Variants in R3HDM2 observed in about 807,000 individuals in gnomAD.
The protein encoded by R3HDM2 is R3H domain-containing protein 2.
Under a neutral mutation model 124.5 loss-of-function variants are expected in R3HDM2, and 38 were observed. The ratio of observed to expected loss-of-function variants is 0.31; its 90% CI spans 0.24 to 0.40. The LOEUF (loss-of-function observed/expected upper bound fraction) is 0.40. R3HDM2 is among the 10% of genes least tolerant of loss of function. R3HDM2 has a pLI of 1.00. For missense variants in R3HDM2, 869 were observed against 1,236.9 expected, an observed-to-expected ratio of 0.70 and a Z score of 4.46; for synonymous variants, 391 against 448.0, an observed-to-expected ratio of 0.87 and a Z score of 1.61.
intron 1 of R3HDM2, among the ~76,000 whole-genome samples, chr12:57,407,611 T>C (rs973030867): frequency 6.6e-6 from 1 of 151,976 alleles, no homozygotes; most frequent in African/African-American, 2.4e-5. Context: ...TTCACCGTCT[T>C]GGCCAGGCTG....
intron 3 of R3HDM2, among the ~76,000 whole-genome samples, chr12:57,307,485 T>A (rs1392380170): frequency 6.6e-6 from 1 of 151,620 alleles, no homozygotes; most frequent in Non-Finnish European, 1.5e-5. Context: ...CAGGCCCAGC[T>A]AATTTTTGTA....
chr12:57,312,099 A>G lies in R3HDM2; in HGVS notation c.-35-1636T>C, dbSNP rs145605979. Among the ~76,000 whole-genome samples, 10 of 152,352 alleles carry G rather than the reference A, an allele frequency of 6.6e-5. No individual in the cohort carries two copies. The East Asian group carries it at 1.9e-3, about 29-fold the overall frequency. ...TACTGGAAACTCTCCCAGATGTCAC[A>G]TCTATTCCCAGTGTAGCCCTAGAAA... On this transcript the variant is annotated intron_variant, in intron 2 of 23. Coordinates refer to ENST00000402412, the MANE Select transcript of R3HDM2 (RefSeq NM_001394031.1).
intron 2 of R3HDM2, among the ~76,000 whole-genome samples, chr12:57,389,726 TA>T (rs2066384553): frequency 6.6e-6 from 1 of 152,220 alleles, no homozygotes; most frequent in African/African-American, 2.4e-5. Flanking sequence ...AACATGACCA[TA>T]TTTTTTAACA....
At chr12:57,317,967 G>A (rs1357262856) in intron 2 of R3HDM2, among the ~76,000 whole-genome samples, 4 of 143,702 alleles carry the variant, frequency 2.8e-5, no homozygotes, top group African/African-American at 5.1e-5. Flanking sequence ...GCAACAGAGC[G>A]AGACTCCGTC....
At chr12:57,309,839 G>A (rs1593078122) in intron 3 of R3HDM2, among the ~76,000 whole-genome samples, 1 of 152,318 alleles carries the variant, frequency 6.6e-6, no homozygotes, top group East Asian at 1.9e-4. Context: ...TCTTTTGAGA[G>A]TTGAAGCTGG....
At chr12:57,335,807 G>A (rs148856777) in intron 2 of R3HDM2, among the ~76,000 whole-genome samples, 6 of 151,838 alleles carry the variant, frequency 4.0e-5, no homozygotes, top group African/African-American at 9.7e-5. Context: ...GTGGCTCACC[G>A]TTGCAAACCC....
chr12:57,285,540 C>A (rs2047145062), intron 12 of R3HDM2, among the ~76,000 whole-genome samples: 1 of 151,946 alleles, frequency 6.6e-6, no homozygotes, highest in Non-Finnish European at 1.5e-5. Flanking sequence ...AAAGCTTTAC[C>A]CCTTTCCTTT....
intron 2 of R3HDM2, among the ~76,000 whole-genome samples, chr12:57,374,848 T>C (rs2063837550): frequency 6.8e-6 from 1 of 146,234 alleles, no homozygotes; most frequent in Non-Finnish European, 1.5e-5. Flanking sequence ...AAAAAAAAAA[T>C]AGTCGGGCGT....
At chr12:57,415,288 C>A (rs952458170) in intron 1 of R3HDM2, 2 of 152,096 alleles carry the variant, frequency 1.3e-5, no homozygotes, top group Non-Finnish European at 2.9e-5. Context: ...ATATTCAAAG[C>A]ACCAGTGGTG....
intron 2 of R3HDM2, among the ~76,000 whole-genome samples, chr12:57,315,635 T>A (rs1177769616): frequency 6.6e-6 from 1 of 152,236 alleles, no homozygotes; most frequent in Non-Finnish European, 1.5e-5. Context: ...CAACCACTGT[T>A]TCTCAGCCAA....
chr12:57,375,681 T>A (rs896961943), intron 2 of R3HDM2, among the ~76,000 whole-genome samples: 3 of 151,642 alleles, frequency 2.0e-5, no homozygotes, highest in Admixed American at 1.3e-4. Flanking sequence ...GCTGCTTTTT[T>A]TTTTTTTTTT....
chr12:57,281,170 C>G (rs962315852), intron 13 of R3HDM2, among the ~76,000 whole-genome samples: 3 of 151,516 alleles, frequency 2.0e-5, no homozygotes, highest in Non-Finnish European at 4.4e-5. Flanking sequence ...GCCTGTAATC[C>G]CAGCTACCTG....
chr12:57,397,832 CAA>C (rs1194466277), intron 1 of R3HDM2, among the ~76,000 whole-genome samples: 3 of 152,176 alleles, frequency 2.0e-5, no homozygotes, highest in Admixed American at 6.6e-5. Context: ...TTAAGAGAAT[CAA>C]GAGCAACATA....
intron 2 of R3HDM2, among the ~76,000 whole-genome samples, chr12:57,343,318 T>C (rs1016436856): frequency 6.6e-6 from 1 of 150,802 alleles, no homozygotes; most frequent in Non-Finnish European, 1.5e-5. Flanking sequence ...GCCTCCCGAG[T>C]AGCTAGGATT....
intron 2 of R3HDM2, among the ~76,000 whole-genome samples, chr12:57,360,090 G>T (rs1025942537): frequency 1.4e-5 from 2 of 143,556 alleles, no homozygotes; most frequent in South Asian, 4.4e-4. Context: ...GTGTAGTGGC[G>T]TGATCTCAGA....
intron 1 of R3HDM2, among the ~76,000 whole-genome samples, chr12:57,421,047 C>T (rs552256824): frequency 1.3e-5 from 2 of 151,892 alleles, no homozygotes; most frequent in Admixed American, 6.6e-5. Context: ...AGCATGGAAC[C>T]CAGAAAACTA....
intron 2 of R3HDM2, among the ~76,000 whole-genome samples, chr12:57,366,783 A>G (rs1270342584): frequency 1.3e-5 from 2 of 152,026 alleles, no homozygotes; most frequent in East Asian, 1.9e-4. Context: ...TCTGCCTCCC[A>G]GGTTCACGCC....
chr12:57,349,162 C>T (rs1366919554), intron 2 of R3HDM2, among the ~76,000 whole-genome samples: 2 of 151,754 alleles, frequency 1.3e-5, no homozygotes, highest in African/African-American at 2.4e-5. Flanking sequence ...GGGCAGATCA[C>T]GAGGTCAGGA....
chr12:57,322,950 T>C (rs761764857), intron 2 of R3HDM2, among the ~76,000 whole-genome samples: 8 of 152,192 alleles, frequency 5.3e-5, no homozygotes, highest in Non-Finnish European at 1.2e-4. Context: ...AACTCTCATC[T>C]TTCCCCTCAA....
Sources: gnomAD v4.1 joint callset for allele counts (sites outside exome capture counted in the v4.1 genomes callset) on GRCh38, gnomAD v4.1.1 for gene constraint, MANE v1.5 for transcripts, NCBI Gene and HGNC (gene_info 2026-07-23, HGNC 2026-07-21) for gene names.